KLRG1: variants seen among roughly 807,000 people sequenced by gnomAD.
KLRG1 encodes the protein killer cell lectin like receptor G1, also known as killer cell lectin-like receptor subfamily G member 1.
In KLRG1, 16 loss-of-function variants were observed where a neutral mutation model predicts 21.8. That is an observed-to-expected ratio of 0.73 (90% CI 0.50 to 1.11). KLRG1 has a LOEUF of 1.11. Among genes scored for constraint, KLRG1 ranks in the 50% most tolerant of loss-of-function variants. The probability of loss-of-function intolerance (pLI) is 0.00; values close to 1 mark genes in which losing one functional copy is unlikely to be tolerated. For missense variants in KLRG1, 173 were observed against 218.3 expected, an observed-to-expected ratio of 0.79 and a Z score of 1.31; for synonymous variants, 69 against 75.9, an observed-to-expected ratio of 0.91 and a Z score of 0.47.
At chr12:9,070,306 A>ACC in the KLRG1 span, among the ~76,000 whole-genome samples, 1 of 152,202 alleles carries the variant, frequency 6.6e-6, no homozygotes, top group East Asian at 1.9e-4. Flanking sequence ...GGGTCCTAGC[A>ACC]CAGTGCTCTG....
intron 1 of KLRG1, among the ~76,000 whole-genome samples, chr12:8,978,274 G>A (rs1231028110): frequency 6.6e-6 from 1 of 152,174 alleles, no homozygotes; most frequent in African/African-American, 2.4e-5. Flanking sequence ...GGCAGGTCTA[G>A]TGGTGATAAA....
At chr12:9,075,263 G>C in the KLRG1 span, among the ~76,000 whole-genome samples, 14 of 152,234 alleles carry the variant, frequency 9.2e-5, no homozygotes, top group Admixed American at 9.2e-4. Context: ...GTGAAACAAT[G>C]GGAACCAATA....
the KLRG1 span, among the ~76,000 whole-genome samples, chr12:9,033,482 C>T: frequency 6.6e-6 from 1 of 151,874 alleles, no homozygotes; most frequent in African/African-American, 2.4e-5. Context: ...TCCCCTCCCA[C>T]CCTGATTCCA....
chr12:8,971,483 T>TTCTA (rs1359528095), intron 1 of KLRG1, among the ~76,000 whole-genome samples: 11 of 152,202 alleles, frequency 7.2e-5, no homozygotes, highest in African/African-American at 2.4e-4. Flanking sequence ...TTATTTTAGT[T>TTCTA]TTTATTTATT....
chr12:9,070,518 G>A, the KLRG1 span: 1 of 1,613,906 alleles, frequency 6.2e-7, no homozygotes, highest in Non-Finnish European at 8.5e-7. Context: ...GGGGAATGAA[G>A]CCAGAGACCA....
chr12:9,071,862 G>C, the KLRG1 span, among the ~76,000 whole-genome samples: 3 of 152,174 alleles, frequency 2.0e-5, no homozygotes, highest in Non-Finnish European at 4.4e-5. Flanking sequence ...GTAATAATAT[G>C]TTTGTGGAGA....
the KLRG1 span, among the ~76,000 whole-genome samples, chr12:9,018,679 TAA>T: frequency 7.3e-5 from 9 of 123,334 alleles, no homozygotes; most frequent in Admixed American, 8.6e-5. Context: ...CATCTCTATT[TAA>T]AAAAAAAAAA....
At position 9,010,283 on chromosome 12, in the gene KLRG1, CA is replaced by C; in HGVS notation, c.*751del. The C allele has an allele frequency of 2.0e-5, 8 of 405,504 alleles. No individual in the cohort carries two copies. The highest frequency in any genetic ancestry group is 2.2e-5 in the Non-Finnish European group (5 of 228,238). 25.1% of individuals were successfully genotyped at this position (405,504 alleles called of 1,614,324 possible). ...CCTTCTGAGCTCTTCACACGTAATG[CA>C]AAAACCCGGTCTTAACTGATTTTGT... On this transcript the variant is annotated 3_prime_UTR_variant, in exon 5 of 5. Transcript: ENST00000356986.
At chr12:9,074,605 C>T in the KLRG1 span, 1 of 1,613,746 alleles carries the variant, frequency 6.2e-7, no homozygotes, top group South Asian at 1.1e-5. Flanking sequence ...GCTTCGTGAT[C>T]CACTTCACGA....
Position 8,992,203 on chromosome 12 carries a change from C to A in KLRG1, c.83-3C>A. Reference sequence around the variant, plus strand: ...GGATTGTGCTTTGACTCTGTTGTTGCAGCTTCCTCTTCCAGGCCTTCTTGT... The same window carrying A: ...GGATTGTGCTTTGACTCTGTTGTTGAAGCTTCCTCTTCCAGGCCTTCTTGT... On this transcript the variant is annotated splice_region_variant and splice_polypyrimidine_tract_variant and intron_variant, in intron 1 of 4. Coordinates refer to ENST00000356986, the MANE Select transcript of KLRG1 (RefSeq NM_005810.4). 1 of 1,606,480 alleles carries A rather than the reference C, an allele frequency of 6.2e-7. No individual in the cohort carries two copies. Among genetic ancestry groups the A allele is most frequent in the Non-Finnish European group, 8.5e-7 (1 of 1,177,274 alleles).
chr12:9,052,233 C>T, the KLRG1 span, among the ~76,000 whole-genome samples: 2 of 152,182 alleles, frequency 1.3e-5, no homozygotes, highest in Non-Finnish European at 2.9e-5. Flanking sequence ...TTCGAGGACA[C>T]TGAGAGGCTC....
chr12:9,012,581 T>C (rs1947647001), downstream of KLRG1, among the ~76,000 whole-genome samples: 2 of 151,640 alleles, frequency 1.3e-5, no homozygotes, highest in Non-Finnish European at 2.9e-5. Flanking sequence ...AGAGACTTCT[T>C]CTGCTTGAGG....
At chr12:9,043,134 G>A in the KLRG1 span, among the ~76,000 whole-genome samples, 1 of 145,892 alleles carries the variant, frequency 6.9e-6, no homozygotes, top group Non-Finnish European at 1.5e-5. Flanking sequence ...GGAGTGCAGT[G>A]GTGCACTCTT....
At chr12:9,101,399 G>A in the KLRG1 span, 4 of 1,495,120 alleles carry the variant, frequency 2.7e-6, no homozygotes, top group Non-Finnish European at 3.7e-6. Context: ...TTGCTCCACA[G>A]AGAGCTTTTG....
the KLRG1 span, among the ~76,000 whole-genome samples, chr12:9,033,828 A>T: frequency 6.6e-6 from 1 of 152,252 alleles, no homozygotes; most frequent in East Asian, 1.9e-4. Context: ...GAAGTAGCAG[A>T]TGTGGGTTTG....
At chr12:8,971,922 T>C (rs1386227742) in intron 1 of KLRG1, among the ~76,000 whole-genome samples, 1 of 152,250 alleles carries the variant, frequency 6.6e-6, no homozygotes, top group Non-Finnish European at 1.5e-5. Flanking sequence ...ATCAGATATA[T>C]GGTTTACAAA....
the KLRG1 span, among the ~76,000 whole-genome samples, chr12:9,103,061 T>C: frequency 4.6e-5 from 7 of 152,196 alleles, no homozygotes; most frequent in Non-Finnish European, 1.0e-4. Flanking sequence ...GAATAACTTA[T>C]ATTGGTATGA....
At chr12:9,153,733 C>G in the KLRG1 span, among the ~76,000 whole-genome samples, 120 of 152,244 alleles carry the variant, frequency 7.9e-4, no homozygotes, top group African/African-American at 2.6e-3. Flanking sequence ...ACAAGTTGCA[C>G]TTTCTTGAGT....
chr12:8,951,262 C>T (rs1946198626), intron 1 of KLRG1, among the ~76,000 whole-genome samples: 1 of 151,594 alleles, frequency 6.6e-6, no homozygotes, highest in South Asian at 2.1e-4. Flanking sequence ...CACTTGAGGT[C>T]AGGAATTCAA....
Sources: allele counts gnomAD v4.1 joint callset (sites outside exome capture counted in the v4.1 genomes callset), GRCh38; gene constraint gnomAD v4.1.1; transcripts MANE v1.5; gene names NCBI Gene and HGNC (gene_info 2026-07-23, HGNC 2026-07-21).